The following NEDD4L variants were observed in gnomAD, a reference collection of about 807,000 sequenced individuals.
The protein encoded by NEDD4L is E3 ubiquitin-protein ligase NEDD4-like.
Under a neutral mutation model 148.9 loss-of-function variants are expected in NEDD4L, and 54 were observed. The ratio of observed to expected loss-of-function variants is 0.36; its 90% CI spans 0.29 to 0.45. The LOEUF is 0.45. Ranked by LOEUF, NEDD4L falls within the 20% of genes least tolerant of loss-of-function variation. The probability of loss-of-function intolerance (pLI) is 1.00; values close to 1 mark genes in which losing one functional copy is unlikely to be tolerated. For synonymous variants in NEDD4L, 433 were observed against 440.7 expected (o/e 0.98, Z 0.22); for missense variants, 856 against 1,233.8 (o/e 0.69, Z 4.59).
intron 5 of NEDD4L, among the ~76,000 whole-genome samples, chr18:58,314,922 A>C (rs568349624): frequency 2.4e-4 from 36 of 152,312 alleles, no homozygotes; most frequent in African/African-American, 8.7e-4. Flanking sequence ...GGAAGAAGAG[A>C]ATGTTTTTCA....
At chr18:58,326,214 A>G (rs143643108) in intron 9 of NEDD4L, among the ~76,000 whole-genome samples, 10 of 152,254 alleles carry the variant, frequency 6.6e-5, no homozygotes, top group African/African-American at 7.2e-5. Context: ...TTTAATTTAG[A>G]GATAAAGCTT....
At chr18:58,058,457 C>G (rs1449354259) in intron 1 of NEDD4L, among the ~76,000 whole-genome samples, 1 of 152,350 alleles carries the variant, frequency 6.6e-6, no homozygotes, top group South Asian at 2.1e-4. Context: ...AAATGCCTTA[C>G]TCGTGAACCA....
chr18:58,251,906 C>T (rs778060722), intron 4 of NEDD4L, 95 bp from the exon 5 acceptor site: 8 of 724,304 alleles, frequency 1.1e-5, no homozygotes, highest in East Asian at 5.0e-5. Context: ...TTGAGTTGGG[C>T]GCATTGTAAA....
intron 2 of NEDD4L, among the ~76,000 whole-genome samples, chr18:58,214,798 TC>T (rs1568403971): frequency 2.0e-5 from 1 of 49,642 alleles, no homozygotes; most frequent in Admixed American, 2.3e-4. Flanking sequence ...TTTCTTTCTT[TC>T]ATTTTTTTTT....
chr18:58,323,078 G>T (rs1277202000), intron 7 of NEDD4L, among the ~76,000 whole-genome samples, 154 bp from the exon 8 acceptor site: 1 of 103,538 alleles, frequency 9.7e-6, no homozygotes, highest in Non-Finnish European at 2.0e-5. Flanking sequence ...TGTGGGTATG[G>T]GTGGGTGGGG....
At chr18:58,088,958 C>T (rs2083908305) in intron 1 of NEDD4L, among the ~76,000 whole-genome samples, 1 of 152,070 alleles carries the variant, frequency 6.6e-6, no homozygotes, top group Admixed American at 6.6e-5. Context: ...ATTCCATGTG[C>T]CCCAGATATG....
intron 1 of NEDD4L, among the ~76,000 whole-genome samples, chr18:58,160,959 G>A (rs2036126079): frequency 6.6e-6 from 1 of 152,102 alleles, no homozygotes; most frequent in Non-Finnish European, 1.5e-5. Flanking sequence ...TTCCGTATTT[G>A]CAGCTCTGTA....
rs758747799 is a variant in NEDD4L at position 58,316,011 on chromosome 18, C to A, written c.327C>A (p.Asp109Glu). ...LTRDDFLGQV[D>E]VPLSHLPTED... ...GAGACGACTTCCTGGGCCAGGTGGA[C>A]GTGCCCCTTAGTCACCTTCCGGTAA... Residue 109 changes from aspartate to glutamate, a missense_variant, in exon 6 of 31, where the codon GAC (aspartate) becomes GAA (glutamate). Around this residue, in one of 4 missense-constraint regions of NEDD4L, gnomAD observed 193 missense variants for 244.2 expected, o/e 0.79. Transcript: ENST00000400345. The A allele has an allele frequency of 1.2e-6, 2 of 1,613,474 alleles. No individual in the cohort carries two copies. Among genetic ancestry groups the A allele is most frequent in the Admixed American group, 3.3e-5 (2 of 60,004 alleles).
chr18:58,214,645 T>G (rs1048378194), intron 2 of NEDD4L, among the ~76,000 whole-genome samples: 171 of 123,778 alleles, frequency 1.4e-3, no homozygotes, highest in African/African-American at 3.4e-3. Flanking sequence ...GTGTGTGTGT[T>G]TTGTTGTTGT....
intron 1 of NEDD4L, among the ~76,000 whole-genome samples, chr18:58,056,011 C>T (rs1184538632): frequency 6.6e-6 from 1 of 152,122 alleles, no homozygotes; most frequent in Non-Finnish European, 1.5e-5. Flanking sequence ...CTATACTCAC[C>T]TGTGAGCGGT....
rs1194541570 is a variant in NEDD4L, at chr18:58,282,284, C to G, written c.297+30230C>G. On this transcript the variant is annotated intron_variant, in intron 5 of 30. Coordinates refer to ENST00000400345, the MANE Select transcript of NEDD4L (RefSeq NM_001144967.3). The stretch of plus-strand genomic sequence containing the variant: ...CTGTCATTAGCTGGTAAATGCAGTC[C>G]TGTCACCTCAGAGGAGGACCAAGAA... 3.3e-5 allele frequency among the ~76,000 whole-genome samples: 5 copies of G among 152,034 alleles called. No individual in the cohort carries two copies. The East Asian group carries it at 9.6e-4, about 29-fold the overall frequency.
rs183205611 is a variant in NEDD4L at position 58,190,270 on chromosome 18, G to A, written c.122+24409G>A. ...TTATCCTTATCTATCCAAAGAGAGT[G>A]TGTGTGTGTCATATACCTAAAGAAT... On this transcript the variant is annotated intron_variant, in intron 2 of 30. Transcript: ENST00000400345. Among the ~76,000 whole-genome samples the A allele has an allele frequency of 7.9e-4, 121 of 152,228 alleles. 1 individual carries two copies. The highest frequency in any genetic ancestry group is 1.4e-3 in the Non-Finnish European group (95 of 68,006).
intron 4 of NEDD4L, among the ~76,000 whole-genome samples, chr18:58,249,235 A>G (rs2047620599): frequency 6.6e-6 from 1 of 152,218 alleles, no homozygotes; most frequent in African/African-American, 2.4e-5. Flanking sequence ...ATCATTTATG[A>G]GAATGGTTTA....
chr18:58,076,052 A>C (rs141903994), intron 1 of NEDD4L, among the ~76,000 whole-genome samples: 58 of 152,324 alleles, frequency 3.8e-4, no homozygotes, highest in African/African-American at 1.2e-3. Context: ...GAGAAATCTC[A>C]CACCACTTGA....
intron 30 of NEDD4L, among the ~76,000 whole-genome samples, chr18:58,394,876 T>C (rs2050286466): frequency 6.6e-6 from 1 of 152,228 alleles, no homozygotes; most frequent in Non-Finnish European, 1.5e-5. Flanking sequence ...ACTTTGCTCA[T>C]TCTTGGAATC....
intron 1 of NEDD4L, among the ~76,000 whole-genome samples, chr18:58,071,361 G>A (rs1287262127): frequency 6.6e-6 from 1 of 152,012 alleles, no homozygotes; most frequent in Non-Finnish European, 1.5e-5. Context: ...GAATAAAGAA[G>A]TAGAGATTAT....
At chr18:58,111,064 A>G (rs531172734) in intron 1 of NEDD4L, among the ~76,000 whole-genome samples, 1 of 152,120 alleles carries the variant, frequency 6.6e-6, no homozygotes, top group East Asian at 1.9e-4. Context: ...TATGATGTTA[A>G]TTTTTTTGTT....
At chr18:58,125,358 G>GGTGTGTGTGTGTGTGTGTGTGTGT (rs34644275) in intron 1 of NEDD4L, among the ~76,000 whole-genome samples, 3 of 148,712 alleles carry the variant, frequency 2.0e-5, no homozygotes, top group African/African-American at 7.4e-5. Context: ...CCACCAGGAG[G>GGTGTGTGTGTGTGTGTGTGTGTGT]GTGTGTGTGT....
chr18:58,083,271 A>G (rs1446917350), intron 1 of NEDD4L, among the ~76,000 whole-genome samples: 2 of 152,224 alleles, frequency 1.3e-5, no homozygotes, highest in African/African-American at 2.4e-5. Context: ...GGCACGAGGT[A>G]CTGATCTAAA....
Sources: allele counts gnomAD v4.1 joint callset (sites outside exome capture counted in the v4.1 genomes callset), GRCh38; gene constraint gnomAD v4.1.1; regional missense constraint gnomAD v4.1.1; transcripts MANE v1.5; gene names NCBI Gene and HGNC (gene_info 2026-07-23, HGNC 2026-07-21).